Variants in NALF1 observed in about 807,000 individuals in gnomAD.
NALF1 encodes NALCN channel auxiliary factor 1.
A neutral mutation model predicts 48.4 loss-of-function variants in NALF1; 3 were observed. The ratio of observed to expected loss-of-function variants is 0.06; its 90% CI spans 0.03 to 0.16. The LOEUF (loss-of-function observed/expected upper bound fraction) is 0.16. Among genes scored for constraint, NALF1 ranks in the 10% least tolerant of loss-of-function variants. NALF1 has a pLI of 1.00. For synonymous variants in NALF1, 262 were observed against 245.7 expected, an observed-to-expected ratio of 1.07 and a Z score of -0.62; for missense variants, 526 against 571.5, an observed-to-expected ratio of 0.92 and a Z score of 0.81.
intron 1 of NALF1, among the ~76,000 whole-genome samples, chr13:107,802,137 T>A (rs575186631): frequency 6.6e-6 from 1 of 152,362 alleles, no homozygotes; most frequent in East Asian, 1.9e-4. Context: ...GACATTTGTG[T>A]CAAATATAAA....
intron 1 of NALF1, among the ~76,000 whole-genome samples, chr13:107,229,002 G>C (rs570954273): frequency 5.9e-5 from 9 of 151,960 alleles, no homozygotes; most frequent in African/African-American, 1.7e-4. Context: ...GGTTCTCTTC[G>C]TAAAACCGAT....
At chr13:107,764,451 G>A (rs919787451) in intron 1 of NALF1, among the ~76,000 whole-genome samples, 8 of 152,016 alleles carry the variant, frequency 5.3e-5, no homozygotes, top group East Asian at 1.9e-4. Flanking sequence ...GTGTTTGTGC[G>A]TACGTATGTA....
chr13:107,431,473 C>G (rs1427434441), intron 1 of NALF1, among the ~76,000 whole-genome samples: 1 of 152,184 alleles, frequency 6.6e-6, no homozygotes, highest in Admixed American at 6.5e-5. Context: ...TGCCATGATG[C>G]CATTTCATTT....
In NALF1 at chr13:107,531,436, C is replaced by T. The variant is rs1170931599; in HGVS notation, c.916-320681G>A. 2.0e-5 allele frequency among the ~76,000 whole-genome samples: 3 copies of T among 152,008 alleles called. No individual in the cohort carries two copies. In the East Asian group the frequency reaches 5.8e-4, roughly 29 times the overall value. ...ATGATTGTAAGCTCCTGAGGACTCC[C>T]CAGAAGCCGAGCAGATGCCAGAACC... On this transcript the variant is annotated intron_variant, in intron 1 of 2. Transcript: ENST00000375915.
chr13:107,724,624 T>C lies in NALF1; in HGVS notation c.915+141058A>G, dbSNP rs374622021. ...TAGTCCAGGCTTGAGTACAGTGGCA[T>C]GATCTCGGGTCACTGCAGCCTTGAC... On this transcript the variant is annotated intron_variant, in intron 1 of 2. Coordinates refer to ENST00000375915, the MANE Select transcript of NALF1 (RefSeq NM_001080396.3). Among the ~76,000 whole-genome samples, 10 of 147,232 alleles carry C rather than the reference T, an allele frequency of 6.8e-5. No homozygotes were observed. In the South Asian group the frequency reaches 2.3e-3, roughly 34 times the overall value.
chr13:107,627,630 C>T (rs114154809), intron 1 of NALF1, among the ~76,000 whole-genome samples: 2,008 of 152,048 alleles, frequency 0.013, 38 homozygotes, highest in African/African-American at 0.046. Flanking sequence ...TTAAAGCCCG[C>T]ACATAAGGCT....
chr13:107,520,616 G>A (rs1440628680), intron 1 of NALF1, among the ~76,000 whole-genome samples: 1 of 152,172 alleles, frequency 6.6e-6, no homozygotes, highest in Non-Finnish European at 1.5e-5. Flanking sequence ...AATTCCTCAT[G>A]CATGAAGTTT....
chr13:107,749,704 A>G (rs1297844210), intron 1 of NALF1, among the ~76,000 whole-genome samples: 1 of 152,182 alleles, frequency 6.6e-6, no homozygotes, highest in Non-Finnish European at 1.5e-5. Flanking sequence ...TTAATCAGAC[A>G]CTAAAGTTTC....
chr13:107,519,483 A>T (rs7993162), intron 1 of NALF1, among the ~76,000 whole-genome samples: 1 of 151,738 alleles, frequency 6.6e-6, no homozygotes, highest in Non-Finnish European at 1.5e-5. Flanking sequence ...TTCATGCCCC[A>T]AGGATGTCCC....
chr13:107,455,219 T>C (rs1884804503), intron 1 of NALF1, among the ~76,000 whole-genome samples: 1 of 152,194 alleles, frequency 6.6e-6, no homozygotes, highest in Admixed American at 6.5e-5. Context: ...CATGCAGAAC[T>C]GGGAGTCAAT....
intron 1 of NALF1, among the ~76,000 whole-genome samples, chr13:107,399,392 A>T (rs1276882679): frequency 6.6e-6 from 1 of 152,158 alleles, no homozygotes; most frequent in Non-Finnish European, 1.5e-5. Context: ...TTCATAACGC[A>T]TCTAACCTAT....
At position 107,363,220 on chromosome 13, in the gene NALF1, T is replaced by C. The variant is rs116595840; in HGVS notation, c.916-152465A>G. 7.1e-3 allele frequency among the ~76,000 whole-genome samples: 1,075 copies of C among 152,322 alleles called. 19 individuals carry two copies. The highest frequency in any genetic ancestry group is 0.025 in the African/African-American group (1,031 of 41,576). The stretch of plus-strand genomic sequence containing the variant: ...GCATTTTCCAAATGTTCAAAAAGAA[T>C]TGCATACAATCTTATTCAGAACACT... On this transcript the variant is annotated intron_variant, in intron 1 of 2. Transcript: ENST00000375915.
intron 1 of NALF1, among the ~76,000 whole-genome samples, chr13:107,730,385 A>C (rs1216729956): frequency 6.6e-6 from 1 of 152,186 alleles, no homozygotes; most frequent in African/African-American, 2.4e-5. Flanking sequence ...TTCCCAAATT[A>C]GTTTCCATTT....
chr13:107,608,933 C>T (rs1879147507), intron 1 of NALF1, among the ~76,000 whole-genome samples: 2 of 152,142 alleles, frequency 1.3e-5, no homozygotes, highest in South Asian at 2.1e-4. Context: ...TGTGCTGGGC[C>T]GGGCACCAGG....
chr13:107,253,555 G>T (rs995501493), intron 1 of NALF1, among the ~76,000 whole-genome samples: 3 of 152,126 alleles, frequency 2.0e-5, no homozygotes, highest in Admixed American at 6.6e-5. Context: ...TTACATGATG[G>T]AATTCAGGTC....
At chr13:107,688,937 G>A (rs949174289) in intron 1 of NALF1, among the ~76,000 whole-genome samples, 3 of 152,172 alleles carry the variant, frequency 2.0e-5, no homozygotes, top group African/African-American at 4.8e-5. Flanking sequence ...GGTCACTGGC[G>A]AGGATGATGG....
intron 1 of NALF1, among the ~76,000 whole-genome samples, chr13:107,566,591 A>G (rs1877815833): frequency 6.6e-6 from 1 of 152,190 alleles, no homozygotes; most frequent in Admixed American, 6.5e-5. Flanking sequence ...CCTCACGGAA[A>G]GGGGTTCGCA....
chr13:107,463,290 A>T (rs767134591), intron 1 of NALF1, among the ~76,000 whole-genome samples: 3 of 152,218 alleles, frequency 2.0e-5, no homozygotes, highest in Non-Finnish European at 4.4e-5. Flanking sequence ...AGATTAAAGA[A>T]ATGGATTTAA....
intron 1 of NALF1, among the ~76,000 whole-genome samples, chr13:107,249,230 TA>T (rs1354328242): frequency 6.6e-6 from 1 of 152,100 alleles, no homozygotes; most frequent in Non-Finnish European, 1.5e-5. Flanking sequence ...AAAGATATGA[TA>T]GGGAGATAAT....
Sources: allele counts gnomAD v4.1 joint callset (sites outside exome capture counted in the v4.1 genomes callset), GRCh38; gene constraint gnomAD v4.1.1; transcripts MANE v1.5; gene names NCBI Gene and HGNC (gene_info 2026-07-23, HGNC 2026-07-21).